The following KCNMA1 variants were observed in gnomAD, a reference collection of about 807,000 sequenced individuals.
KCNMA1 encodes Calcium-activated potassium channel subunit alpha-1.
Under a neutral mutation model 140.0 loss-of-function variants are expected in KCNMA1, and 29 were observed. The ratio of observed to expected loss-of-function variants is 0.21; its 90% CI spans 0.15 to 0.28. KCNMA1 has a LOEUF of 0.28. Ranked by LOEUF, KCNMA1 falls within the 10% of genes least tolerant of loss-of-function variation. KCNMA1 has a pLI of 1.00. For missense variants in KCNMA1, 880 were observed against 1,602.2 expected (o/e 0.55, Z 7.70); for synonymous variants, 612 against 611.9 (o/e 1.00, Z 0.00).
intron 23 of KCNMA1, among the ~76,000 whole-genome samples, chr10:76,939,995 A>T (rs1010418420): frequency 6.6e-6 from 1 of 152,196 alleles, no homozygotes; most frequent in East Asian, 1.9e-4. Flanking sequence ...AGTGACAGGC[A>T]CTCTGTAAAT....
At chr10:77,146,273 A>G (rs1258443428) in intron 5 of KCNMA1, among the ~76,000 whole-genome samples, 1 of 152,356 alleles carries the variant, frequency 6.6e-6, no homozygotes, top group Non-Finnish European at 1.5e-5. Context: ...ATAAGACAGC[A>G]GCATTACCCA....
intron 3 of KCNMA1, among the ~76,000 whole-genome samples, chr10:77,224,305 A>G (rs941010997): frequency 6.6e-6 from 1 of 152,202 alleles, no homozygotes; most frequent in South Asian, 2.1e-4. Flanking sequence ...TTTCTAAAAA[A>G]CTTTCAGTCC....
intron 1 of KCNMA1, among the ~76,000 whole-genome samples, chr10:77,583,921 T>C (rs2076525867): frequency 6.6e-6 from 1 of 152,204 alleles, no homozygotes. Context: ...TAACCATATG[T>C]AGATAAAAAA....
chr10:77,617,382 C>T (rs1305037539), intron 1 of KCNMA1, among the ~76,000 whole-genome samples: 1 of 152,228 alleles, frequency 6.6e-6, no homozygotes, highest in Non-Finnish European at 1.5e-5. Context: ...CAGGTAACTA[C>T]TGTCAATTCA....
At chr10:77,522,509 T>C (rs2053831253) in intron 1 of KCNMA1, among the ~76,000 whole-genome samples, 1 of 152,184 alleles carries the variant, frequency 6.6e-6, no homozygotes, top group African/African-American at 2.4e-5. Context: ...TAAACACACG[T>C]GTCAGAAAAG....
intron 1 of KCNMA1, among the ~76,000 whole-genome samples, chr10:77,623,628 A>G (rs1467786020): frequency 6.6e-6 from 1 of 151,870 alleles, no homozygotes; most frequent in Non-Finnish European, 1.5e-5. Flanking sequence ...GCTTGAACCC[A>G]GGAGACAAAG....
chr10:77,547,415 C>T (rs1369325426), intron 1 of KCNMA1, among the ~76,000 whole-genome samples: 1 of 152,188 alleles, frequency 6.6e-6, no homozygotes, highest in East Asian at 1.9e-4. Context: ...TCAGACAGCC[C>T]TCGCCTTTCA....
At chr10:77,355,013 C>T (rs987662259) in intron 2 of KCNMA1, among the ~76,000 whole-genome samples, 15 of 152,172 alleles carry the variant, frequency 9.9e-5, no homozygotes, top group South Asian at 2.1e-4. Context: ...ATAATTCCCA[C>T]GTATTGTGGG....
intron 1 of KCNMA1, chr10:77,587,794 T>G: frequency 1.0e-6 from 1 of 985,286 alleles, no homozygotes. Context: ...TGAGCGCCTA[T>G]CAGATGCAGG....
chr10:77,177,532 T>C (rs1272877951), intron 5 of KCNMA1, among the ~76,000 whole-genome samples: 1 of 151,204 alleles, frequency 6.6e-6, no homozygotes, highest in Non-Finnish European at 1.5e-5. Context: ...TTTAGCAGGG[T>C]CTTACTATGT....
downstream of KCNMA1, chr10:76,883,982 A>G (rs2035740769): frequency 1.0e-6 from 1 of 982,918 alleles, no homozygotes; most frequent in South Asian, 4.7e-5. Context: ...TGAATTCTCA[A>G]TTATCTACCA....
intron 1 of KCNMA1, among the ~76,000 whole-genome samples, chr10:77,519,288 C>A (rs577461770): frequency 6.6e-6 from 1 of 152,230 alleles, no homozygotes; most frequent in African/African-American, 2.4e-5. Context: ...ACAGCACTGA[C>A]CCCTCCATTG....
intron 1 of KCNMA1, among the ~76,000 whole-genome samples, chr10:77,552,677 CTTT>C (rs2063145468): frequency 2.6e-5 from 4 of 152,274 alleles, no homozygotes; most frequent in Admixed American, 6.5e-5. Context: ...TTATGATCTT[CTTT>C]TCTTGTGAAC....
intron 1 of KCNMA1, among the ~76,000 whole-genome samples, chr10:77,426,153 G>A (rs900967512): frequency 4.6e-5 from 7 of 152,194 alleles, no homozygotes; most frequent in African/African-American, 1.4e-4. Context: ...ACTCTGCAGT[G>A]TCTGGAACAT....
chr10:76,944,674 C>G (rs2063458023), intron 23 of KCNMA1, 99 bp downstream of exon 23: 5 of 1,134,702 alleles, frequency 4.4e-6, no homozygotes, highest in Non-Finnish European at 6.6e-6. Flanking sequence ...GCCAGGCAGG[C>G]TGATGTGAGC....
intron 2 of KCNMA1, among the ~76,000 whole-genome samples, chr10:77,324,428 GT>G (rs775860844): frequency 3.9e-5 from 6 of 152,096 alleles, no homozygotes; most frequent in Non-Finnish European, 8.8e-5. Context: ...AAGAGCCTAG[GT>G]CTTAGCTTCT....
At chr10:77,062,626 C>T (rs189923486) in intron 14 of KCNMA1, among the ~76,000 whole-genome samples, 3 of 152,326 alleles carry the variant, frequency 2.0e-5, no homozygotes, top group South Asian at 4.1e-4. Flanking sequence ...GACAAGACAG[C>T]ACTTGCCTGG....
At chr10:77,588,744 C>A (rs1435761764) in intron 1 of KCNMA1, among the ~76,000 whole-genome samples, 1 of 152,260 alleles carries the variant, frequency 6.6e-6, no homozygotes. Flanking sequence ...AGTGGCCAAA[C>A]AGCAAGAGGA....
chr10:77,022,819 C>T, intron 16 of KCNMA1: 1 of 247,752 alleles, frequency 4.0e-6, no homozygotes, highest in Non-Finnish European at 8.6e-6. Context: ...ATCAGTCAGG[C>T]CGATTAAAGG....
Sources: gnomAD v4.1 joint callset for allele counts (sites outside exome capture counted in the v4.1 genomes callset) on GRCh38, gnomAD v4.1.1 for gene constraint, MANE v1.5 for transcripts, NCBI Gene and HGNC (gene_info 2026-07-23, HGNC 2026-07-21) for gene names.